The following KAT6B variants were observed in gnomAD, a reference collection of about 807,000 sequenced individuals.
KAT6B encodes histone acetyltransferase KAT6B.
A neutral mutation model predicts 187.5 loss-of-function variants in KAT6B; 10 were observed. The ratio of observed to expected loss-of-function variants is 0.05; its 90% CI spans 0.03 to 0.09. KAT6B has a LOEUF of 0.09. Among genes scored for constraint, KAT6B ranks in the 10% least tolerant of loss-of-function variants. The pLI, the probability that KAT6B is intolerant of heterozygous loss-of-function variation, is 1.00. For missense variants in KAT6B, 1,952 were observed against 2,558.9 expected (o/e 0.76, Z 5.12); for synonymous variants, 861 against 926.8 (o/e 0.93, Z 1.29).
intron 3 of KAT6B, among the ~76,000 whole-genome samples, chr10:74,856,416 C>T (rs1487474557): frequency 6.6e-6 from 1 of 152,038 alleles, no homozygotes; most frequent in African/African-American, 2.4e-5. Context: ...AGGATCCAAC[C>T]AAAGATCATA....
At chr10:74,862,566 A>G (rs1241852858) in intron 3 of KAT6B, among the ~76,000 whole-genome samples, 1 of 152,314 alleles carries the variant, frequency 6.6e-6, no homozygotes. Context: ...TTCTTCTTTA[A>G]TAGATGAACA....
chr10:74,875,588 C>T (rs1434775350), intron 3 of KAT6B, among the ~76,000 whole-genome samples: 4 of 151,806 alleles, frequency 2.6e-5, no homozygotes, highest in Non-Finnish European at 5.9e-5. Context: ...GCCTCAGCCA[C>T]CCAAGTAGCT....
At chr10:74,895,939 TTTGTTGTTG>T (rs754257877) in intron 3 of KAT6B, among the ~76,000 whole-genome samples, 1 of 152,110 alleles carries the variant, frequency 6.6e-6, no homozygotes, top group Non-Finnish European at 1.5e-5. Flanking sequence ...ACACTGCTTT[TTTGTTGTTG>T]TTGTTGTTGT....
chr10:74,962,111 G>A (rs190254172), intron 4 of KAT6B, among the ~76,000 whole-genome samples: 1 of 152,196 alleles, frequency 6.6e-6, no homozygotes, highest in South Asian at 2.1e-4. Flanking sequence ...TGAGTGTGCT[G>A]TGCCAGCCTG....
intron 3 of KAT6B, among the ~76,000 whole-genome samples, chr10:74,890,291 G>A (rs1382270675): frequency 6.6e-6 from 1 of 152,042 alleles, no homozygotes; most frequent in African/African-American, 2.4e-5. Context: ...GCCTGGACAT[G>A]TAATTTTTAA....
At chr10:74,984,025 G>A (rs1473374158) in intron 11 of KAT6B, 1 of 152,020 alleles carries the variant, frequency 6.6e-6, no homozygotes, top group African/African-American at 2.4e-5. Flanking sequence ...TCACAGTTAT[G>A]TATATCTCCA....
intron 4 of KAT6B, 106 bp from the exon 5 acceptor site, chr10:74,969,554 G>T: frequency 1.4e-6 from 1 of 727,970 alleles, no homozygotes. Flanking sequence ...AGTTCCTAAG[G>T]TTCATTGGCT....
intron 1 of KAT6B, among the ~76,000 whole-genome samples, chr10:74,832,461 A>G (rs1000237383): frequency 2.0e-5 from 3 of 151,946 alleles, no homozygotes; most frequent in African/African-American, 7.2e-5. Flanking sequence ...CCCCGCCTCT[A>G]TTTTTATTTA....
intron 4 of KAT6B, among the ~76,000 whole-genome samples, chr10:74,963,742 A>G (rs1057443891): frequency 6.6e-6 from 1 of 152,220 alleles, no homozygotes. Context: ...TTGCTTAGTC[A>G]TCCAGTTTCA....
In KAT6B at chr10:74,843,115, C is replaced by T; in HGVS notation, c.258C>T (p.Gly86=). The T allele has an allele frequency of 6.2e-7, 1 of 1,614,182 alleles. No homozygotes were observed. Among genetic ancestry groups the T allele is most frequent in the East Asian group, 2.2e-5 (1 of 44,876 alleles). The stretch of plus-strand genomic sequence containing the variant: ...GGCGCTTTTCATCAGTTAAACCAGG[C>T]ACTTTTCCTAAGTCAGCCAAGGGGT... The part of the protein sequence containing the change: ...NPGRFSSVKP[G]TFPKSAKGSR... Residue 86 remains glycine (G), a synonymous_variant, in exon 3 of 18, where the codon GGC becomes GGT. Transcript: ENST00000287239.
chr10:75,009,935 T>C (rs1844480616), intron 13 of KAT6B, among the ~76,000 whole-genome samples: 1 of 152,092 alleles, frequency 6.6e-6, no homozygotes, highest in Non-Finnish European at 1.5e-5. Context: ...CGGGAGATGG[T>C]GGTTGCAATG....
chr10:74,908,115 A>G (rs1291628938), intron 3 of KAT6B, among the ~76,000 whole-genome samples: 1 of 152,098 alleles, frequency 6.6e-6, no homozygotes, highest in Admixed American at 6.5e-5. Context: ...CTTTATAAGA[A>G]GAGTATGAGA....
chr10:75,022,111 G>A lies in KAT6B; in HGVS notation c.3252G>A (p.Glu1084=), dbSNP rs766869621. The change falls in exon 16 of 18, where the codon GAG becomes GAA. Residue 1084 remains glutamate, a synonymous_variant. Coordinates refer to ENST00000287239, the MANE Select transcript of KAT6B (RefSeq NM_012330.4). ...AGGACGAGGAGGAGGAAGAAGAGGA[G>A]GAAGAAGAGGAAGAGGATGAAGAGG... is the stretch of plus-strand genomic sequence containing the variant. ...EEEDEEEEEE[E]EEEEEDEEEE... The A allele has an allele frequency of 1.9e-6, 3 of 1,600,538 alleles. No individual in the cohort carries two copies. Among genetic ancestry groups the A allele is most frequent in the Non-Finnish European group, 2.6e-6 (3 of 1,169,228 alleles).
rs145403390 is a variant in KAT6B, at chr10:74,937,510, G to A, written c.622-22460G>A. On this transcript the variant is annotated intron_variant, in intron 3 of 17. Coordinates refer to ENST00000287239, the MANE Select transcript of KAT6B (RefSeq NM_012330.4). ...TTATTTATCCAAGCTGGACTTTACA[G>A]GAATGAGAAAAAGAAGGTCTTTAAA... 2.1e-3 allele frequency among the ~76,000 whole-genome samples: 316 copies of A among 152,244 alleles called. 1 individual carries two copies. Among genetic ancestry groups the A allele is most frequent in the African/African-American group, 7.3e-3 (302 of 41,538 alleles).
chr10:74,865,070 C>A (rs112105302), intron 3 of KAT6B, among the ~76,000 whole-genome samples: 1 of 152,104 alleles, frequency 6.6e-6, no homozygotes, highest in African/African-American at 2.4e-5. Flanking sequence ...GTCTCACTTA[C>A]CTTATCTGTA....
chr10:74,929,420 A>C (rs1050666553), intron 3 of KAT6B, among the ~76,000 whole-genome samples: 49 of 152,220 alleles, frequency 3.2e-4, no homozygotes, highest in African/African-American at 1.1e-3. Flanking sequence ...CAGTGAACAT[A>C]AAGTATTTAA....
intron 13 of KAT6B, among the ~76,000 whole-genome samples, chr10:74,999,828 G>A (rs1843705742): frequency 6.6e-6 from 1 of 152,200 alleles, no homozygotes; most frequent in African/African-American, 2.4e-5. Context: ...GTATTCTTTG[G>A]ACAACTGTAT....
chr10:74,843,620 T>C (rs1353191705), intron 3 of KAT6B, 142 bp downstream of exon 3: 4 of 1,016,814 alleles, frequency 3.9e-6, no homozygotes, highest in Admixed American at 2.1e-5. Context: ...TTTTGTATTT[T>C]AAAATGTATA....
At chr10:75,019,053 G>A (rs1845194464) in intron 13 of KAT6B, among the ~76,000 whole-genome samples, 1 of 152,160 alleles carries the variant, frequency 6.6e-6, no homozygotes, top group South Asian at 2.1e-4. Flanking sequence ...GTGTTGACAG[G>A]ACACAATATG....
Sources: allele counts gnomAD v4.1 joint callset (sites outside exome capture counted in the v4.1 genomes callset), GRCh38; gene constraint gnomAD v4.1.1; transcripts MANE v1.5; gene names NCBI Gene and HGNC (gene_info 2026-07-23, HGNC 2026-07-21).